Variants in CDH13 observed in about 807,000 individuals in gnomAD.
CDH13 encodes the protein cadherin 13, also known as cadherin-13.
A neutral mutation model predicts 63.8 loss-of-function variants in CDH13; 24 were observed. The observed-to-expected ratio is 0.38, with a 90% confidence interval of 0.27 to 0.53. CDH13 has a LOEUF of 0.53. CDH13 is among the 20% of genes least tolerant of loss of function. CDH13 has a pLI of 0.85. For synonymous variants in CDH13, 503 were observed against 355.3 expected (o/e 1.42, Z -4.67); for missense variants, 1,049 against 903.1 (o/e 1.16, Z -2.07).
intron 1 of CDH13, among the ~76,000 whole-genome samples, chr16:82,665,956 C>T (rs4783253): frequency 0.23 from 35,336 of 151,902 alleles, 4,141 homozygotes; most frequent in East Asian, 0.34. Flanking sequence ...AAAATGGTTT[C>T]AATGGAGTAA....
In CDH13 at chr16:83,227,035, G is replaced by A. The variant is rs140348089; in HGVS notation, c.636+9538G>A. Among the ~76,000 whole-genome samples, 650 of 152,346 alleles carry A rather than the reference G, an allele frequency of 4.3e-3. 4 individuals carry two copies. Among genetic ancestry groups the A allele is most frequent in the African/African-American group, 0.015 (617 of 41,588 alleles). ...GGATACGGACAGGTTGTCCTCCTAC[G>A]CTGGGACCCTGAAGTGTGTTGAAGA... On this transcript the variant is annotated intron_variant, in intron 5 of 13. Coordinates refer to ENST00000567109, the MANE Select transcript of CDH13 (RefSeq NM_001257.5).
chr16:83,220,260 C>T (rs552514372), intron 5 of CDH13, among the ~76,000 whole-genome samples: 3 of 152,276 alleles, frequency 2.0e-5, no homozygotes, highest in South Asian at 4.1e-4. Context: ...GATCATTCTG[C>T]GGTTCTTTAT....
intron 3 of CDH13, among the ~76,000 whole-genome samples, chr16:83,056,162 A>T (rs2030906981): frequency 6.6e-6 from 1 of 152,216 alleles, no homozygotes; most frequent in African/African-American, 2.4e-5. Context: ...AATTATTCAG[A>T]TACTATTATA....
At chr16:82,723,050 C>G (rs1377163713) in intron 1 of CDH13, 1 of 152,190 alleles carries the variant, frequency 6.6e-6, no homozygotes, top group Non-Finnish European at 1.5e-5. Flanking sequence ...GACCTTCAGT[C>G]TAGTCCAACA....
At chr16:83,536,612 C>G (rs1443842219) in intron 7 of CDH13, among the ~76,000 whole-genome samples, 2 of 151,886 alleles carry the variant, frequency 1.3e-5, no homozygotes, top group Non-Finnish European at 2.9e-5. Flanking sequence ...AATGGGAAAT[C>G]CTTAAAGTAT....
At chr16:82,836,250 G>A (rs968149584) in intron 1 of CDH13, among the ~76,000 whole-genome samples, 2 of 152,120 alleles carry the variant, frequency 1.3e-5, no homozygotes, top group Middle Eastern at 3.2e-3. Context: ...CTGGGTTCAA[G>A]CGATTCTCCT....
At chr16:82,981,472 A>G (rs936161400) in intron 2 of CDH13, among the ~76,000 whole-genome samples, 2 of 152,032 alleles carry the variant, frequency 1.3e-5, no homozygotes, top group Non-Finnish European at 2.9e-5. Context: ...CTGCCACAGC[A>G]ATTTTGCCCC....
At chr16:83,664,811 G>A (rs1913783508) in intron 8 of CDH13, among the ~76,000 whole-genome samples, 1 of 152,152 alleles carries the variant, frequency 6.6e-6, no homozygotes, top group Non-Finnish European at 1.5e-5. Context: ...AGCCTTGGAT[G>A]TATGACAGTG....
At chr16:83,228,279 G>A (rs2039901061) in intron 5 of CDH13, among the ~76,000 whole-genome samples, 1 of 152,212 alleles carries the variant, frequency 6.6e-6, no homozygotes. Context: ...ATCCTGCTGT[G>A]CACAGGACAG....
At chr16:83,229,294 G>C (rs1456411343) in intron 5 of CDH13, among the ~76,000 whole-genome samples, 1 of 152,152 alleles carries the variant, frequency 6.6e-6, no homozygotes, top group Non-Finnish European at 1.5e-5. Context: ...GGGGAAAAGA[G>C]ATCAAAGAGA....
chr16:82,777,029 T>G (rs1567522530), intron 1 of CDH13, among the ~76,000 whole-genome samples: 1 of 152,262 alleles, frequency 6.6e-6, no homozygotes, highest in Non-Finnish European at 1.5e-5. Flanking sequence ...TCCTGCAGCC[T>G]TGAACTTCTG....
At chr16:83,659,707 A>G (rs958940640) in intron 8 of CDH13, among the ~76,000 whole-genome samples, 2 of 152,168 alleles carry the variant, frequency 1.3e-5, no homozygotes, top group East Asian at 3.9e-4. Flanking sequence ...CCCTTTTCTC[A>G]GATAAGTGAA....
chr16:83,160,807 C>A (rs574628555), intron 4 of CDH13, among the ~76,000 whole-genome samples: 6 of 152,318 alleles, frequency 3.9e-5, no homozygotes, highest in African/African-American at 1.4e-4. Context: ...TGGCAACCTG[C>A]ATTTTTAAAG....
intron 5 of CDH13, among the ~76,000 whole-genome samples, chr16:83,250,565 G>A (rs1905401751): frequency 2.6e-5 from 4 of 152,180 alleles, no homozygotes; most frequent in Admixed American, 2.6e-4. Flanking sequence ...GCAGAGGTAT[G>A]CACTGAGACG....
At chr16:82,712,239 A>C (rs554310685) in intron 1 of CDH13, among the ~76,000 whole-genome samples, 20 of 152,146 alleles carry the variant, frequency 1.3e-4, no homozygotes, top group African/African-American at 4.8e-4. Flanking sequence ...AATCTTCATT[A>C]ATTTATTTTA....
intron 6 of CDH13, among the ~76,000 whole-genome samples, chr16:83,396,975 T>G (rs2091896201): frequency 6.6e-6 from 1 of 152,178 alleles, no homozygotes; most frequent in Non-Finnish European, 1.5e-5. Context: ...TGCCCATGGT[T>G]ACACAGCTAC....
chr16:83,123,291 T>C (rs1468873702), intron 3 of CDH13, among the ~76,000 whole-genome samples: 2 of 152,060 alleles, frequency 1.3e-5, no homozygotes, highest in Non-Finnish European at 2.9e-5. Context: ...TCTTTTTTTC[T>C]TTTTTGAGAC....
rs548154467 is a variant in CDH13, at chr16:82,643,772, T to A, written c.45+16635T>A. On this transcript the variant is annotated intron_variant, in intron 1 of 13. Coordinates refer to ENST00000567109, the MANE Select transcript of CDH13 (RefSeq NM_001257.5). ...TACTGACTTTTTTTAAGACAGGGTC[T>A]TTCTCTGTTGCCCAGGCTGGATTGC... Among the ~76,000 whole-genome samples, 26 of 152,308 alleles carry A rather than the reference T, an allele frequency of 1.7e-4. No individual in the cohort carries two copies. In the South Asian group the frequency reaches 5.4e-3, roughly 32 times the overall value.
intron 6 of CDH13, among the ~76,000 whole-genome samples, chr16:83,453,706 C>G (rs1008958775): frequency 6.6e-6 from 1 of 152,082 alleles, no homozygotes; most frequent in African/African-American, 2.4e-5. Context: ...GCAATGTTCT[C>G]TGCCGTACTC....
Sources: allele counts gnomAD v4.1 joint callset (sites outside exome capture counted in the v4.1 genomes callset), GRCh38; gene constraint gnomAD v4.1.1; transcripts MANE v1.5; gene names NCBI Gene and HGNC (gene_info 2026-07-23, HGNC 2026-07-21).